Variants in HECW1 observed in about 807,000 individuals in gnomAD.
HECW1 encodes the protein E3 ubiquitin-protein ligase HECW1.
In HECW1, 61 loss-of-function variants were observed where a neutral mutation model predicts 182.3. That is an observed-to-expected ratio of 0.33 (90% CI 0.27 to 0.41). The LOEUF (loss-of-function observed/expected upper bound fraction) is 0.41, where lower values mean the gene tolerates loss of function less well. Ranked by LOEUF, HECW1 falls within the 10% of genes least tolerant of loss-of-function variation. HECW1 has a pLI of 1.00. For missense variants in HECW1, 1,739 were observed against 2,108.9 expected, an observed-to-expected ratio of 0.82 and a Z score of 3.44; for synonymous variants, 859 against 832.6, an observed-to-expected ratio of 1.03 and a Z score of -0.55.
chr7:43,455,190 T>G (rs1195058116), intron 12 of HECW1, among the ~76,000 whole-genome samples: 3 of 152,174 alleles, frequency 2.0e-5, no homozygotes. Context: ...TATCTCGGGC[T>G]CCCTCTACAG....
chr7:43,133,408 T>C (rs1468846868), intron 2 of HECW1, among the ~76,000 whole-genome samples: 1 of 152,070 alleles, frequency 6.6e-6, no homozygotes, highest in Non-Finnish European at 1.5e-5. Flanking sequence ...TTATGCCTTT[T>C]TCCGTATCAA....
chr7:43,164,820 G>A lies in HECW1; in HGVS notation c.-32+50429G>A, dbSNP rs182990248. ...CTTCCAGAATTAGAAAGGAGATGCC[G>A]AGCATGCAGCCGCGCTTCCATGGTG... is the stretch of plus-strand genomic sequence containing the variant. On this transcript the variant is annotated intron_variant, in intron 2 of 29. Transcript: ENST00000395891. Among the ~76,000 whole-genome samples the A allele has an allele frequency of 1.0e-3, 159 of 152,332 alleles. 1 individual carries two copies. Among genetic ancestry groups the A allele is most frequent in the African/African-American group, 3.7e-3 (152 of 41,568 alleles).
intron 1 of HECW1, among the ~76,000 whole-genome samples, chr7:43,113,386 A>G (rs1784787281): frequency 6.6e-6 from 1 of 152,200 alleles, no homozygotes; most frequent in East Asian, 1.9e-4. Context: ...CTTTTGAACA[A>G]TTGTGTCCCA....
At chr7:43,368,197 C>G (rs1816879643) in intron 6 of HECW1, among the ~76,000 whole-genome samples, 1 of 152,170 alleles carries the variant, frequency 6.6e-6, no homozygotes, top group South Asian at 2.1e-4. Flanking sequence ...GGGAGACAGA[C>G]AAGAAAACAG....
chr7:43,288,018 G>T (rs1381165304), intron 3 of HECW1, among the ~76,000 whole-genome samples: 1 of 152,210 alleles, frequency 6.6e-6, no homozygotes, highest in Non-Finnish European at 1.5e-5. Context: ...AGATATCCAT[G>T]TAGACAGAGA....
At chr7:43,196,298 ATT>A (rs1186019904) in intron 2 of HECW1, among the ~76,000 whole-genome samples, 4 of 152,184 alleles carry the variant, frequency 2.6e-5, no homozygotes, top group African/African-American at 9.7e-5. Context: ...ATTCTAAAGA[ATT>A]TAGTATTTTG....
In HECW1 at chr7:43,353,077, A is replaced by T. The variant is rs532483637; in HGVS notation, c.461-7809A>T. Among the ~76,000 whole-genome samples the T allele has an allele frequency of 2.6e-5, 4 of 152,154 alleles. No individual in the cohort carries two copies. In the South Asian group the frequency reaches 8.3e-4, roughly 32 times the overall value. The stretch of plus-strand genomic sequence containing the variant: ...AGTTGCAATCTGTGTATAAATATAC[A>T]TATTTATAGTGGTAGAAACTTCAGT... On this transcript the variant is annotated intron_variant, in intron 5 of 29. Coordinates refer to ENST00000395891, the MANE Select transcript of HECW1 (RefSeq NM_015052.5).
intron 2 of HECW1, among the ~76,000 whole-genome samples, chr7:43,210,332 A>G (rs575133204): frequency 6.6e-6 from 1 of 152,274 alleles, no homozygotes; most frequent in Admixed American, 6.5e-5. Flanking sequence ...CTTGCAGAGT[A>G]TGAGGCCCTG....
intron 24 of HECW1, chr7:43,522,444 A>T (rs2080527598): frequency 6.6e-6 from 1 of 152,230 alleles, no homozygotes. Context: ...ACTGAGTCAG[A>T]GGGAAAAGCT....
chr7:43,201,577 A>C (rs1206383667), intron 2 of HECW1, among the ~76,000 whole-genome samples: 2 of 152,350 alleles, frequency 1.3e-5, no homozygotes, highest in Non-Finnish European at 2.9e-5. Flanking sequence ...TCCCCGTGGT[A>C]GATTTGTGAC....
At chr7:43,289,871 G>A (rs1293279519) in intron 3 of HECW1, among the ~76,000 whole-genome samples, 1 of 152,208 alleles carries the variant, frequency 6.6e-6, no homozygotes, top group Non-Finnish European at 1.5e-5. Context: ...CTTGAAGTGG[G>A]GGCTTGCAAG....
At chr7:43,544,997 C>T (rs2081500447) in intron 26 of HECW1, among the ~76,000 whole-genome samples, 2 of 152,212 alleles carry the variant, frequency 1.3e-5, no homozygotes, top group African/African-American at 4.8e-5. Context: ...GGCACAGTGG[C>T]TCATGCCTGT....
At chr7:43,417,940 A>G (rs1429371686) in intron 8 of HECW1, among the ~76,000 whole-genome samples, 2 of 152,224 alleles carry the variant, frequency 1.3e-5, no homozygotes, top group Non-Finnish European at 2.9e-5. Context: ...GCTTAAAACT[A>G]CAAAAATATA....
At chr7:43,489,394 A>G (rs753368155) in intron 17 of HECW1, among the ~76,000 whole-genome samples, 3 of 152,228 alleles carry the variant, frequency 2.0e-5, no homozygotes, top group Non-Finnish European at 4.4e-5. Flanking sequence ...GAGAAAAAAG[A>G]GAAGTATGAG....
rs939866778 is a variant in HECW1 at position 43,565,298 on chromosome 7, G to A, written c.*3372G>A. The A allele has an allele frequency of 3.9e-5, 8 of 206,832 alleles. No individual in the cohort carries two copies. Among genetic ancestry groups the A allele is most frequent in the East Asian group, 7.3e-5 (1 of 13,762 alleles). The allele number at this position is 206,832 out of a possible 1,614,324, so 12.8% of individuals were successfully genotyped here. On this transcript the variant is annotated 3_prime_UTR_variant, in exon 30 of 30. Transcript: ENST00000395891. ...AGACATATGATTTGGGGGAGCAGGC[G>A]TTAAACATGCAAGATCTAAATTTTC...
chr7:43,528,079 A>G (rs1052597990), intron 24 of HECW1, among the ~76,000 whole-genome samples: 6 of 152,242 alleles, frequency 3.9e-5, no homozygotes, highest in African/African-American at 1.4e-4. Flanking sequence ...TTAATTTTGT[A>G]GAGTGAATTG....
chr7:43,527,623 G>A (rs922227596), intron 24 of HECW1, among the ~76,000 whole-genome samples: 2 of 152,066 alleles, frequency 1.3e-5, no homozygotes, highest in Admixed American at 6.6e-5. Context: ...ATAACATCAC[G>A]TTCACAGGTT....
chr7:43,498,902 G>T (rs923382407), intron 19 of HECW1, among the ~76,000 whole-genome samples: 32 of 152,110 alleles, frequency 2.1e-4, no homozygotes, highest in Non-Finnish European at 4.1e-4. Context: ...TCTAAGTTAT[G>T]ATGAAGATTT....
At chr7:43,229,844 C>G (rs546416795) in intron 2 of HECW1, among the ~76,000 whole-genome samples, 2 of 152,226 alleles carry the variant, frequency 1.3e-5, no homozygotes, top group East Asian at 3.9e-4. Context: ...GCACCTTAAC[C>G]AAGAGTTGCC....
Sources: gnomAD v4.1 joint callset for allele counts (sites outside exome capture counted in the v4.1 genomes callset) on GRCh38, gnomAD v4.1.1 for gene constraint, MANE v1.5 for transcripts, NCBI Gene and HGNC (gene_info 2026-07-23, HGNC 2026-07-21) for gene names.